Variants in PLXNB1 observed in about 807,000 individuals in gnomAD.
PLXNB1 encodes the protein plexin B1.
In PLXNB1, 106 loss-of-function variants were observed where a neutral mutation model predicts 209.4. That is an observed-to-expected ratio of 0.51 (90% CI 0.43 to 0.59). The LOEUF (loss-of-function observed/expected upper bound fraction) is 0.59, where lower values mean the gene tolerates loss of function less well. Ranked by LOEUF, PLXNB1 falls within the 20% of genes least tolerant of loss-of-function variation. The pLI, the probability that PLXNB1 is intolerant of heterozygous loss-of-function variation, is 0.00. For missense variants in PLXNB1, 2,357 were observed against 2,853.2 expected (o/e 0.83, Z 3.96); for synonymous variants, 1,167 against 1,183.2 (o/e 0.99, Z 0.28).
chr3:48,412,380 C>A lies in PLXNB1; in HGVS notation c.5033+62G>T, dbSNP rs935613702. ...CCTCTCTATCCTGCAGACCCCCCAG[C>A]CCGAGGCCCCACCCCAGCTCCAGCT... On this transcript the variant is annotated intron_variant, in intron 26 of 37. Coordinates refer to ENST00000296440, the MANE Select transcript of PLXNB1 (RefSeq NM_001130082.3). The A allele has an allele frequency of 3.1e-6, 5 of 1,611,052 alleles. No homozygotes were observed. The Admixed American group carries it at 8.3e-5, about 27-fold the overall frequency.
In PLXNB1 at chr3:48,416,117, G is replaced by A; in HGVS notation, c.3531C>T (p.Gly1177=). Residue 1177 remains glycine, a synonymous_variant, in exon 18 of 38, where the codon GGC becomes GGT. Transcript: ENST00000296440. The surrounding 1 kb of genome is among the most constrained non-coding windows in gnomAD (Gnocchi z 4.1). Reference sequence around the variant, plus strand: ...TGGAGCCATTCAGGGTGAGACGGGTGCCCCCAGCTCTGGGGCCGCGGGCCG... The same window carrying A: ...TGGAGCCATTCAGGGTGAGACGGGTACCCCCAGCTCTGGGGCCGCGGGCCG... The part of the protein sequence containing the change: ...IFPARGPRAG[G]TRLTLNGSKL... The A allele has an allele frequency of 3.8e-6, 6 of 1,599,122 alleles. No individual in the cohort carries two copies. Among genetic ancestry groups the A allele is most frequent in the Non-Finnish European group, 5.1e-6 (6 of 1,173,118 alleles).
chr3:48,424,519 A>G lies in PLXNB1; in HGVS notation c.93T>C (p.Asn31=), dbSNP rs2038776494. ...TTGCCAGGTGCTGCAGATACGTGCC[A>G]TTGGGAGTGAATGCAGTTGGTGGAA... is the stretch of plus-strand genomic sequence containing the variant. The part of the protein sequence containing the change: ...QPLPPTAFTP[N]GTYLQHLARD... The change falls in exon 3 of 38, where the codon AAT becomes AAC. Residue 31 remains asparagine, a synonymous_variant. Coordinates refer to ENST00000296440, the MANE Select transcript of PLXNB1 (RefSeq NM_001130082.3). 3.1e-6 allele frequency: 5 copies of G among 1,599,206 alleles called. No homozygotes were observed. In the East Asian group the frequency reaches 1.1e-4, roughly 36 times the overall value.
chr3:48,409,847 A>G lies in PLXNB1; in HGVS notation c.5778+58T>C. 6.3e-7 allele frequency: 1 copy of G among 1,578,416 alleles called. No individual in the cohort carries two copies. The highest frequency in any genetic ancestry group is 2.3e-5 in the East Asian group (1 of 44,396). On this transcript the variant is annotated intron_variant, in intron 32 of 37. Coordinates refer to ENST00000296440, the MANE Select transcript of PLXNB1 (RefSeq NM_001130082.3). The surrounding 1 kb of genome is among the most constrained non-coding windows in gnomAD (Gnocchi z 5.8). ...GAGCCCCACACCACCCCCAAATCCC[A>G]CGAGTGGCCATGCTCCCTCTCAGCC... is the stretch of plus-strand genomic sequence containing the variant.
intron 4 of PLXNB1, 119 bp downstream of exon 4, chr3:48,422,646 G>A: frequency 7.9e-7 from 1 of 1,265,482 alleles, no homozygotes; most frequent in Non-Finnish European, 1.1e-6. Flanking sequence ...CTGGGGAGAG[G>A]AGCTCAGGTC....
intron 34 of PLXNB1, among the ~76,000 whole-genome samples, chr3:48,407,551 C>T (rs942960037): frequency 3.9e-5 from 6 of 152,206 alleles, no homozygotes; most frequent in Non-Finnish European, 5.9e-5. Flanking sequence ...CACCTAGACA[C>T]AGCGTCTACA....
Position 48,422,173 on chromosome 3 carries a change from C to G in PLXNB1, c.1452G>C (p.Gln484His). The stretch of plus-strand genomic sequence containing the variant: ...CAAGGCAAGATGCACAGTCCAGGTG[C>G]TGAGCACAGGAAGCCACAGGAACCT... Reference protein sequence around the residue: ...LLKVPVASCAQHLDCASCLAH... With the variant: ...LLKVPVASCAHHLDCASCLAH... The change falls in exon 6 of 38, where the codon CAG becomes CAC. Residue 484 changes from glutamine (Q) to histidine (H), a missense_variant. Coordinates refer to ENST00000296440, the MANE Select transcript of PLXNB1 (RefSeq NM_001130082.3). 1 of 1,614,140 alleles carries G rather than the reference C, an allele frequency of 6.2e-7. No individual in the cohort carries two copies. Among genetic ancestry groups the G allele is most frequent in the Non-Finnish European group, 8.5e-7 (1 of 1,179,970 alleles).
rs2037684482 is a variant in PLXNB1, at chr3:48,411,526, T to C, written c.5247+337A>G. Among the ~76,000 whole-genome samples the C allele has an allele frequency of 1.3e-5, 2 of 152,166 alleles. No homozygotes were observed. Among genetic ancestry groups the C allele is most frequent in the Admixed American group, 1.3e-4 (2 of 15,290 alleles). On this transcript the variant is annotated intron_variant, in intron 28 of 37. Transcript: ENST00000296440. The surrounding 1 kb of genome is among the most constrained non-coding windows in gnomAD (Gnocchi z 4.0). Reference sequence around the variant, plus strand: ...GGCTGGCTTGGTGGGCAAGGCCGCATTCCTGGTAGGAGGGCCAGGCAGACA... The same window carrying C: ...GGCTGGCTTGGTGGGCAAGGCCGCACTCCTGGTAGGAGGGCCAGGCAGACA...
chr3:48,410,097 C>T lies in PLXNB1; in HGVS notation c.5606-20G>A, dbSNP rs113621145. On this transcript the variant is annotated intron_variant, in intron 31 of 37. Coordinates refer to ENST00000296440, the MANE Select transcript of PLXNB1 (RefSeq NM_001130082.3). The surrounding 1 kb of genome is among the most constrained non-coding windows in gnomAD (Gnocchi z 6.4). ...GGGTCCCTGTGCCAAGAGCCCACAG[C>T]TGTCACCCCTCCCCAGGTGCCACCT... The T allele has an allele frequency of 6.4e-5, 100 of 1,557,370 alleles. No individual in the cohort carries two copies. The African/African-American group carries it at 1.2e-3, about 18-fold the overall frequency.
At chr3:48,414,288 T>G (rs913155263) in intron 21 of PLXNB1, among the ~76,000 whole-genome samples, 1 of 152,182 alleles carries the variant, frequency 6.6e-6, no homozygotes, top group Non-Finnish European at 1.5e-5. Flanking sequence ...ACGAAAAATC[T>G]GGAGAACATA....
At position 48,409,987 on chromosome 3, in the gene PLXNB1, C is replaced by A. The variant is rs767659107; in HGVS notation, c.5696G>T (p.Arg1899Leu). 1 of 1,612,822 alleles carries A rather than the reference C, an allele frequency of 6.2e-7. No individual in the cohort carries two copies. The highest frequency in any genetic ancestry group is 1.7e-5 in the Admixed American group (1 of 59,944). ...PSDEPEPPRP[R>L]RGSLRGGERE... ...CTCCCCGCCCCGAAGGCTGCCCCTC[C>A]GAGGCCTGGGCGGCTCCGGCTCATC... Residue 1899 changes from arginine to leucine, a missense_variant, in exon 32 of 38, where the codon CGG becomes CTG. This residue lies in a region of PLXNB1 where 414 missense variants were observed against 520.5 expected (regional missense o/e 0.80). Transcript: ENST00000296440. The surrounding 1 kb of genome is among the most constrained non-coding windows in gnomAD (Gnocchi z 5.8).
chr3:48,428,630 T>C (rs769969447), intron 1 of PLXNB1, among the ~76,000 whole-genome samples: 4 of 152,162 alleles, frequency 2.6e-5, no homozygotes, highest in Non-Finnish European at 5.9e-5. Flanking sequence ...ACCCTCCTGC[T>C]CAGCTCCCAG....
In PLXNB1 at chr3:48,411,813, C is replaced by A; in HGVS notation, c.5247+50G>T. 1 of 1,596,526 alleles carries A rather than the reference C, an allele frequency of 6.3e-7. No homozygotes were observed. Among genetic ancestry groups the A allele is most frequent in the South Asian group, 1.1e-5 (1 of 87,276 alleles). ...CCCACACACCCACACACTCTCCACC[C>A]TCGCCCTCACCGCACTCAGACTGCA... On this transcript the variant is annotated intron_variant, in intron 28 of 37. Transcript: ENST00000296440. The surrounding 1 kb of genome is among the most constrained non-coding windows in gnomAD (Gnocchi z 4.0).
rs773093240 is a variant in PLXNB1 at position 48,404,464 on chromosome 3, G to A, written c.*22C>T. On this transcript the variant is annotated 3_prime_UTR_variant, in exon 38 of 38. Coordinates refer to ENST00000296440, the MANE Select transcript of PLXNB1 (RefSeq NM_001130082.3). ...CTGCCCAGGCCAGGCTGAAGCAACA[G>A]CAGGCCGTGGCTCCTGGGTTCCTAT... 1.3e-6 allele frequency: 2 copies of A among 1,534,244 alleles called. No homozygotes were observed. Among genetic ancestry groups the A allele is most frequent in the Non-Finnish European group, 1.8e-6 (2 of 1,110,366 alleles).
At chr3:48,404,708 G>A (rs2037208330) in intron 37 of PLXNB1, 118 bp from the exon 38 acceptor site, 4 of 644,356 alleles carry the variant, frequency 6.2e-6, no homozygotes, top group Non-Finnish European at 1.1e-5. Flanking sequence ...AAGAAACCCA[G>A]CCGGTCACTT....
chr3:48,426,116 T>C (rs2107012888), intron 1 of PLXNB1, among the ~76,000 whole-genome samples: 1 of 152,320 alleles, frequency 6.6e-6, no homozygotes, highest in Non-Finnish European at 1.5e-5. Context: ...CATCTCTTGC[T>C]ATTTCCTCTC....
Position 48,409,671 on chromosome 3 carries a change from C to T in PLXNB1, c.5839G>A (p.Val1947Met), listed in dbSNP as rs764450956. ...AAGAAGTACTTCACAGCGAGCGGCA[C>T]GGGGCGGCTGGTGCTGAGAATCACC... The part of the protein sequence containing the change: ...FQVILSTSRP[V>M]PLAVKYFFDL... Residue 1947 changes from valine to methionine, a missense_variant, in exon 33 of 38, where the codon GTG becomes ATG. Val to Met is a conservative substitution (Grantham distance 21, BLOSUM62 1). Around this residue, in one of 7 missense-constraint regions of PLXNB1, gnomAD observed 414 missense variants for 520.5 expected, o/e 0.80. Coordinates refer to ENST00000296440, the MANE Select transcript of PLXNB1 (RefSeq NM_001130082.3). The surrounding 1 kb of genome is among the most constrained non-coding windows in gnomAD (Gnocchi z 5.8). 12 of 1,613,844 alleles carry T rather than the reference C, an allele frequency of 7.4e-6. No individual in the cohort carries two copies. Among genetic ancestry groups the T allele is most frequent in the South Asian group, 4.4e-5 (4 of 91,086 alleles).
chr3:48,409,702 C>A lies in PLXNB1; in HGVS notation c.5808G>T (p.Leu1936=), dbSNP rs755173144. 1 of 1,613,850 alleles carries A rather than the reference C, an allele frequency of 6.2e-7. No individual in the cohort carries two copies. Among genetic ancestry groups the A allele is most frequent in the Non-Finnish European group, 8.5e-7 (1 of 1,180,012 alleles). Residue 1936 remains leucine (L), a synonymous_variant, in exon 33 of 38, where the codon CTG becomes CTT. Transcript: ENST00000296440. The surrounding 1 kb of genome is among the most constrained non-coding windows in gnomAD (Gnocchi z 5.8). ...GGCTGGTGCTGAGAATCACCTGGAA[C>A]AGGTCATCCACGAACTTCTGCAGGG... ...KGTLQKFVDD[L]FQVILSTSRP... is the part of the protein sequence containing the mutation.
At position 48,409,671 on chromosome 3, in the gene PLXNB1, CG is replaced by C; in HGVS notation, c.5838del (p.Val1947CysfsTer5). 6.2e-7 allele frequency: 1 copy of C among 1,613,962 alleles called. No homozygotes were observed. The highest frequency in any genetic ancestry group is 8.5e-7 in the Non-Finnish European group (1 of 1,180,018). ...LFQVILSTSRPVPLAVKYFFD... is the reference protein window; with the variant it reads ...LFQVILSTSRXVPLAVKYFFD... ...AAGAAGTACTTCACAGCGAGCGGCA[CG>C]GGGCGGCTGGTGCTGAGAATCACCT... On this transcript the variant is annotated frameshift_variant, in exon 33 of 38. Transcript: ENST00000296440. LOFTEE classifies it high-confidence loss of function. The surrounding 1 kb of genome is among the most constrained non-coding windows in gnomAD (Gnocchi z 5.8).
At position 48,429,080 on chromosome 3, in the gene PLXNB1, C is replaced by T. The variant is rs538286171; in HGVS notation, c.-60+928G>A. Among the ~76,000 whole-genome samples the T allele has an allele frequency of 3.0e-4, 46 of 152,336 alleles. No homozygotes were observed. Among genetic ancestry groups the T allele is most frequent in the African/African-American group, 1.1e-3 (46 of 41,584 alleles). ...CCTCCTCAGTCTCCCAATCGCGTTC[C>T]AGGCGGAGTCGCCAGAGTTTCCCTT... is the stretch of plus-strand genomic sequence containing the variant. On this transcript the variant is annotated intron_variant, in intron 1 of 37. Coordinates refer to ENST00000296440, the MANE Select transcript of PLXNB1 (RefSeq NM_001130082.3). This position sits in a 1 kb window ranked among gnomAD's most constrained non-coding sequence, Gnocchi z 6.4.
Sources: gnomAD v4.1 joint callset for allele counts (sites outside exome capture counted in the v4.1 genomes callset) on GRCh38, gnomAD v4.1.1 for gene constraint, gnomAD v4.1.1 regional missense constraint, Gnocchi (gnomAD v3.1) non-coding constraint, MANE v1.5 for transcripts, NCBI Gene and HGNC (gene_info 2026-07-23, HGNC 2026-07-21) for gene names.